The following KIF21A variants were observed in gnomAD, a reference collection of about 807,000 sequenced individuals.
KIF21A encodes kinesin-like protein KIF21A.
A neutral mutation model predicts 202.9 loss-of-function variants in KIF21A; 114 were observed. That is an observed-to-expected ratio of 0.56 (90% CI 0.48 to 0.66). The LOEUF (loss-of-function observed/expected upper bound fraction) is 0.66, where lower values mean the gene tolerates loss of function less well. Ranked by LOEUF, KIF21A falls within the 30% of genes least tolerant of loss-of-function variation. The pLI is 0.00. For missense variants in KIF21A, 1,677 were observed against 1,994.9 expected (o/e 0.84, Z 3.04); for synonymous variants, 667 against 670.8 (o/e 0.99, Z 0.09).
chr12:39,344,562 A>G (rs955896099), intron 12 of KIF21A, among the ~76,000 whole-genome samples: 7 of 152,172 alleles, frequency 4.6e-5, no homozygotes, highest in African/African-American at 1.4e-4. Flanking sequence ...TTGACCCAAC[A>G]TATCGTTCTA....
chr12:39,309,815 T>G (rs1943845217), intron 32 of KIF21A, 49 bp from the exon 33 acceptor site: 1 of 1,418,294 alleles, frequency 7.1e-7, no homozygotes, highest in African/African-American at 1.4e-5. Flanking sequence ...ATGAACTACT[T>G]TAGGTTCTCT....
chr12:39,337,114 CT>C lies in KIF21A; in HGVS notation c.2399del (p.Lys800ArgfsTer38). On this transcript the variant is annotated frameshift_variant, in exon 17 of 38. Coordinates refer to ENST00000361418, the MANE Select transcript of KIF21A (RefSeq NM_001173464.2). LOFTEE classifies it high-confidence loss of function. The stretch of plus-strand genomic sequence containing the variant: ...CACTTACATCTCTTTTACGTTGATC[CT>C]TTTTCAACTGAGCAATCTCTCTGTT... ...RRNREIAQLK[K>X]DQRKRDHQLR... The C allele has an allele frequency of 1.2e-6, 2 of 1,605,136 alleles. No homozygotes were observed. The highest frequency in any genetic ancestry group is 8.5e-7 in the Non-Finnish European group (1 of 1,173,168).
intron 1 of KIF21A, among the ~76,000 whole-genome samples, chr12:39,372,672 C>T (rs1950037792): frequency 1.3e-5 from 2 of 152,162 alleles, no homozygotes; most frequent in Admixed American, 1.3e-4. Context: ...GCTATGCACA[C>T]AGACTATAAA....
In KIF21A at chr12:39,358,224, C is replaced by T. The variant is rs758689865; in HGVS notation, c.1169G>A (p.Arg390His). 13 of 1,613,934 alleles carry T rather than the reference C, an allele frequency of 8.1e-6. No homozygotes were observed. Among genetic ancestry groups the T allele is most frequent in the South Asian group, 2.2e-5 (2 of 91,082 alleles). ...CATCTGAAGTCGTGTGATTTCACTA[C>T]GAAGTGCATTGATTTGCTGACTAGC... ...DRASQQINAL[R>H]SEITRLQMEL... is the part of the protein sequence containing the mutation. The change falls in exon 8 of 38, where the codon CGT becomes CAT. Residue 390 changes from arginine (R) to histidine (H), a missense_variant. Physicochemically the swap from Arg to His is conservative, Grantham distance 29. Around this residue, in one of 3 missense-constraint regions of KIF21A, gnomAD observed 966 missense variants for 1,180.9 expected, o/e 0.82. Transcript: ENST00000361418.
intron 30 of KIF21A, among the ~76,000 whole-genome samples, chr12:39,315,449 C>T (rs1053826096): frequency 1.2e-3 from 180 of 151,964 alleles, no homozygotes; most frequent in African/African-American, 4.0e-3. Flanking sequence ...AAAAATGCTT[C>T]CTTAGTGTTT....
rs769054085 is a variant in KIF21A at position 39,366,342 on chromosome 12, A to G, written c.903+8T>C. The G allele has an allele frequency of 1.2e-6, 2 of 1,612,092 alleles. No individual in the cohort carries two copies. Among genetic ancestry groups the G allele is most frequent in the African/African-American group, 2.7e-5 (2 of 74,882 alleles). On this transcript the variant is annotated splice_region_variant and intron_variant, in intron 6 of 37. Coordinates refer to ENST00000361418, the MANE Select transcript of KIF21A (RefSeq NM_001173464.2). ...TGATATATTCTCAGCACAAAGCCTT[A>G]ATCTTACAAGTCCACAGTTGATAGA...
intron 15 of KIF21A, 101 bp downstream of exon 15, chr12:39,340,805 G>T (rs867227998): frequency 7.4e-6 from 6 of 812,380 alleles, no homozygotes; most frequent in Middle Eastern, 7.0e-4. Flanking sequence ...AACAAAAAAG[G>T]GTTTAATACG....
In KIF21A at chr12:39,442,778, T is replaced by A; in HGVS notation, c.44+149A>T. 2.1e-6 allele frequency: 2 copies of A among 957,860 alleles called. No homozygotes were observed. Among genetic ancestry groups the A allele is most frequent in the South Asian group, 3.0e-5 (2 of 65,880 alleles). The allele number at this position is 957,860 out of a possible 1,614,324, so 59.3% of individuals were successfully genotyped here. A position where few individuals can be genotyped will look rare whatever the true frequency, so the allele number is the denominator to read the frequency against. On this transcript the variant is annotated intron_variant, in intron 1 of 37. Coordinates refer to ENST00000361418, the MANE Select transcript of KIF21A (RefSeq NM_001173464.2). This position sits in a 1 kb window ranked among gnomAD's most constrained non-coding sequence, Gnocchi z 5.0. ...CCGCGCGTGCCAGGCCAGCGGGGAC[T>A]CACTGCCTCAGTTTCCTCAGCCGCA...
intron 1 of KIF21A, among the ~76,000 whole-genome samples, chr12:39,432,724 C>T (rs569079514): frequency 4.1e-4 from 63 of 152,192 alleles, no homozygotes; most frequent in African/African-American, 1.3e-3. Context: ...GATTCTCTTC[C>T]GCCAGCCTCC....
chr12:39,352,005 T>C (rs755721731), intron 10 of KIF21A, 25 bp from the exon 11 acceptor site: 10 of 1,523,378 alleles, frequency 6.6e-6, no homozygotes, highest in South Asian at 1.1e-5. Flanking sequence ...TATATTTAAA[T>C]AGGGAGCATT....
chr12:39,320,932 CAAAAAAAA>C (rs59613512), intron 27 of KIF21A, among the ~76,000 whole-genome samples: 3 of 16,142 alleles, frequency 1.9e-4, no homozygotes, highest in East Asian at 3.3e-3. Context: ...AAGACTCTGC[CAAAAAAAA>C]AAAAAAAAAA....
At chr12:39,303,841 C>A (rs1452422464) in intron 35 of KIF21A, among the ~76,000 whole-genome samples, 2 of 152,090 alleles carry the variant, frequency 1.3e-5, no homozygotes, top group African/African-American at 4.8e-5. Context: ...TAGCCCGTAA[C>A]CTTGTGCTTT....
intron 27 of KIF21A, among the ~76,000 whole-genome samples, chr12:39,320,690 T>C (rs993014771): frequency 9.3e-5 from 14 of 150,202 alleles, no homozygotes; most frequent in African/African-American, 3.4e-4. Flanking sequence ...ATCCCAACAC[T>C]TTGGGAGGCT....
At chr12:39,305,921 T>A (rs1226610595) in intron 34 of KIF21A, among the ~76,000 whole-genome samples, 1 of 152,230 alleles carries the variant, frequency 6.6e-6, no homozygotes, top group Non-Finnish European at 1.5e-5. Flanking sequence ...TATACACATA[T>A]ATGCACATAT....
At chr12:39,399,029 G>A (rs1401480926) in intron 1 of KIF21A, among the ~76,000 whole-genome samples, 2 of 152,046 alleles carry the variant, frequency 1.3e-5, no homozygotes, top group African/African-American at 4.8e-5. Context: ...TTCAAGACCA[G>A]CCTAGGCAAC....
intron 1 of KIF21A, among the ~76,000 whole-genome samples, chr12:39,387,140 T>G (rs1204700231): frequency 1.4e-5 from 2 of 145,958 alleles, no homozygotes; most frequent in East Asian, 4.1e-4. Context: ...ACTCAATGAG[T>G]TTTTGAAAGC....
At chr12:39,357,518 T>C in intron 8 of KIF21A, 81 bp from the exon 9 acceptor site, 1 of 1,188,708 alleles carries the variant, frequency 8.4e-7, no homozygotes, top group Non-Finnish European at 1.2e-6. Flanking sequence ...TCTATAACTA[T>C]ACAATTCTCT....
chr12:39,365,946 T>C (rs1176908096), intron 6 of KIF21A, among the ~76,000 whole-genome samples: 3 of 152,168 alleles, frequency 2.0e-5, no homozygotes, highest in Non-Finnish European at 4.4e-5. Context: ...AAGGCTGCAG[T>C]GAGCCATGAT....
intron 24 of KIF21A, among the ~76,000 whole-genome samples, chr12:39,329,179 G>A (rs568331260): frequency 5.9e-5 from 9 of 152,002 alleles, no homozygotes; most frequent in South Asian, 2.1e-4. Flanking sequence ...AGCTCCTTTC[G>A]TCTAGAGAGA....
Sources: allele counts gnomAD v4.1 joint callset (sites outside exome capture counted in the v4.1 genomes callset), GRCh38; gene constraint gnomAD v4.1.1; regional missense constraint gnomAD v4.1.1; non-coding constraint Gnocchi (gnomAD v3.1); transcripts MANE v1.5; gene names NCBI Gene and HGNC (gene_info 2026-07-23, HGNC 2026-07-21).